The following RAP1GAP2 variants were observed in gnomAD, a reference collection of about 807,000 sequenced individuals.
RAP1GAP2 encodes RAP1 GTPase activating protein 2.
In RAP1GAP2, 27 loss-of-function variants were observed where a neutral mutation model predicts 95.0. The ratio of observed to expected loss-of-function variants is 0.28; its 90% CI spans 0.21 to 0.39. RAP1GAP2 has a LOEUF of 0.39. Ranked by LOEUF, RAP1GAP2 falls within the 10% of genes least tolerant of loss-of-function variation. RAP1GAP2 has a pLI of 1.00. For missense variants in RAP1GAP2, 771 were observed against 970.0 expected (o/e 0.79, Z 2.72); for synonymous variants, 373 against 380.9 (o/e 0.98, Z 0.24).
chr17:2,783,293 A>G (rs1392929286), intron 1 of RAP1GAP2, among the ~76,000 whole-genome samples: 1 of 152,126 alleles, frequency 6.6e-6, no homozygotes, highest in Non-Finnish European at 1.5e-5. Context: ...TTTGGATCGG[A>G]TCACCCTATT....
At chr17:2,875,788 C>A (rs1051075770) in intron 2 of RAP1GAP2, among the ~76,000 whole-genome samples, 4 of 152,044 alleles carry the variant, frequency 2.6e-5, no homozygotes, top group Non-Finnish European at 5.9e-5. Context: ...CCTTCCTCTT[C>A]TCTGTCTCCC....
Position 2,981,257 on chromosome 17 carries a change from C to T in RAP1GAP2, c.729+9C>T. ...CTGTCCTGTACCCCAAGGTAAGGAC[C>T]TTCATGCTCCCAACATAGGGGCCCT... On this transcript the variant is annotated intron_variant, in intron 10 of 24. Transcript: ENST00000254695. The T allele has an allele frequency of 1.2e-6, 2 of 1,604,126 alleles. No homozygotes were observed. Among genetic ancestry groups the T allele is most frequent in the Non-Finnish European group, 1.7e-6 (2 of 1,173,728 alleles).
intron 2 of RAP1GAP2, among the ~76,000 whole-genome samples, chr17:2,854,518 G>T (rs186692872): frequency 1.3e-5 from 2 of 152,364 alleles, no homozygotes; most frequent in Non-Finnish European, 2.9e-5. Context: ...GCCGAGATCC[G>T]CTTGCTCTGC....
At chr17:3,009,284 T>C (rs2046434479) in intron 17 of RAP1GAP2, among the ~76,000 whole-genome samples, 2 of 152,206 alleles carry the variant, frequency 1.3e-5, no homozygotes, top group Admixed American at 1.3e-4. Context: ...TCAGCTGTTA[T>C]TACAGTTGTA....
In RAP1GAP2 at chr17:2,968,418, C is replaced by T. The variant is rs544595588; in HGVS notation, c.596+2775C>T. ...GATGATGAATATGGAGGGTAGTGAGCAGGAATTACACATATGGATAATTGA... is the reference window on the plus strand; with the variant it reads ...GATGATGAATATGGAGGGTAGTGAGTAGGAATTACACATATGGATAATTGA... On this transcript the variant is annotated intron_variant, in intron 8 of 24. Coordinates refer to ENST00000254695, the MANE Select transcript of RAP1GAP2 (RefSeq NM_015085.5). Among the ~76,000 whole-genome samples, 11 of 152,152 alleles carry T rather than the reference C, an allele frequency of 7.2e-5. No individual in the cohort carries two copies. The South Asian group carries it at 1.7e-3, about 23-fold the overall frequency.
At chr17:2,777,912 A>G (rs2068540808) in intron 1 of RAP1GAP2, among the ~76,000 whole-genome samples, 1 of 149,144 alleles carries the variant, frequency 6.7e-6, no homozygotes, top group South Asian at 2.1e-4. Flanking sequence ...TTCCTGTTGC[A>G]GGGTGGGGAG....
intron 18 of RAP1GAP2, 67 bp from the exon 19 acceptor site, chr17:3,020,410 G>A: frequency 2.4e-6 from 3 of 1,270,328 alleles, no homozygotes; most frequent in South Asian, 1.3e-5. Context: ...AGACCAGGGA[G>A]GAGGATGAGG....
rs750174837 is a variant in RAP1GAP2, at chr17:3,030,904, G to A, written c.2108-18G>A. 4.1e-5 allele frequency: 65 copies of A among 1,598,000 alleles called. 2 individuals carry two copies. The South Asian group carries it at 6.7e-4, about 17-fold the overall frequency. On this transcript the variant is annotated intron_variant, in intron 22 of 24. Transcript: ENST00000254695. ...CTCCACAGCTCCACCCTCCTTTCAT[G>A]GCCGTTCTTTTTCTTAGATGCCAAA...
intron 3 of RAP1GAP2, among the ~76,000 whole-genome samples, chr17:2,950,349 G>A (rs1361525796): frequency 6.6e-6 from 1 of 152,102 alleles, no homozygotes; most frequent in Admixed American, 6.6e-5. Context: ...AATGCGCCCA[G>A]CCAGACTCAT....
chr17:2,863,205 G>T (rs527609638), intron 2 of RAP1GAP2, among the ~76,000 whole-genome samples: 1 of 152,078 alleles, frequency 6.6e-6, no homozygotes, highest in Non-Finnish European at 1.5e-5. Context: ...ATTTCTAGGG[G>T]TGAGTACACT....
At chr17:2,854,117 C>CT (rs1337120928) in intron 2 of RAP1GAP2, 1 of 985,326 alleles carries the variant, frequency 1.0e-6, no homozygotes, top group Non-Finnish European at 1.2e-6. Flanking sequence ...ACCCCTGCAG[C>CT]GCCGGCCGCT....
chr17:2,974,287 T>C (rs2045009823), intron 8 of RAP1GAP2, among the ~76,000 whole-genome samples: 2 of 151,436 alleles, frequency 1.3e-5, no homozygotes, highest in South Asian at 4.2e-4. Context: ...AGGCGGAGCT[T>C]GTAGTGAGCC....
intron 3 of RAP1GAP2, among the ~76,000 whole-genome samples, chr17:2,956,761 T>C (rs746706896): frequency 1.3e-5 from 2 of 152,232 alleles, no homozygotes; most frequent in Non-Finnish European, 2.9e-5. Context: ...TTCTCCTTTT[T>C]GTTTTTCCTG....
At chr17:2,979,559 T>G (rs1001049322) in intron 8 of RAP1GAP2, among the ~76,000 whole-genome samples, 1 of 144,066 alleles carries the variant, frequency 6.9e-6, no homozygotes, top group African/African-American at 2.6e-5. Flanking sequence ...CCCCACTTCC[T>G]GGGTTCAAGC....
rs780031476 is a variant in RAP1GAP2, at chr17:2,904,933, G to GT, written c.81-350dup. 2.0e-4 allele frequency among the ~76,000 whole-genome samples: 30 copies of GT among 152,028 alleles called. No homozygotes were observed. Among genetic ancestry groups the GT allele is most frequent in the Non-Finnish European group, 4.3e-4 (29 of 68,018 alleles). On this transcript the variant is annotated intron_variant, in intron 2 of 24. Transcript: ENST00000254695. The surrounding 1 kb of genome is among the most constrained non-coding windows in gnomAD (Gnocchi z 4.7). ...TTTCATTCTTGTTGCCCAGGCTGGA[G>GT]TGCAGTGGCGCCATCTTGGCTCACT...
chr17:2,819,461 G>A (rs2070183728), intron 2 of RAP1GAP2, among the ~76,000 whole-genome samples: 1 of 151,402 alleles, frequency 6.6e-6, no homozygotes, highest in Admixed American at 6.6e-5. Context: ...GATCACAGGA[G>A]CATGCCACCA....
rs766264761 is a variant in RAP1GAP2 at position 2,962,726 on chromosome 17, G to A, written c.246+12G>A. On this transcript the variant is annotated intron_variant, in intron 5 of 24. Transcript: ENST00000254695. Reference sequence around the variant, plus strand: ...CCCAGAAGAACAAGGTGGGCTGGGTGGGTGAGGGGGTGGCCAGACGGCCCT... The same window carrying A: ...CCCAGAAGAACAAGGTGGGCTGGGTAGGTGAGGGGGTGGCCAGACGGCCCT... 3.7e-5 allele frequency: 59 copies of A among 1,588,918 alleles called. No homozygotes were observed. In the East Asian group the frequency reaches 1.3e-3, roughly 35 times the overall value.
At position 3,030,940 on chromosome 17, in the gene RAP1GAP2, C is replaced by T. The variant is rs1038362742; in HGVS notation, c.2126C>T (p.Ser709Phe). ...TTCTTAGATGCCAAAAGCAGAAACT[C>T]CCCGAGATCGAACCTGAAATTCCGC... is the stretch of plus-strand genomic sequence containing the variant. ...RSPTDAKSRN[S>F]PRSNLKFRFD... The change falls in exon 23 of 25, where the codon TCC becomes TTC. Residue 709 changes from serine to phenylalanine, a missense_variant. By Grantham distance (155) the Ser-to-Phe change is radical (BLOSUM62 -2). Coordinates refer to ENST00000254695, the MANE Select transcript of RAP1GAP2 (RefSeq NM_015085.5). 5.6e-6 allele frequency: 9 copies of T among 1,610,776 alleles called. No individual in the cohort carries two copies. Among genetic ancestry groups the T allele is most frequent in the East Asian group, 2.2e-5 (1 of 44,804 alleles).
chr17:2,984,955 A>ATTTTTTT, intron 10 of RAP1GAP2, 28 bp from the exon 11 acceptor site: 1 of 1,546,656 alleles, frequency 6.5e-7, no homozygotes, highest in Admixed American at 1.8e-5. Flanking sequence ...ACAAATGTTG[A>ATTTTTTT]TTTTTTTTTT....
Sources: gnomAD v4.1 joint callset for allele counts (sites outside exome capture counted in the v4.1 genomes callset) on GRCh38, gnomAD v4.1.1 for gene constraint, Gnocchi (gnomAD v3.1) non-coding constraint, MANE v1.5 for transcripts, NCBI Gene and HGNC (gene_info 2026-07-23, HGNC 2026-07-21) for gene names.